ACSS1: variants seen among roughly 807,000 people sequenced by gnomAD.
ACSS1 encodes acetyl-coenzyme A synthetase 2-like, mitochondrial.
A neutral mutation model predicts 75.3 loss-of-function variants in ACSS1; 42 were observed. The observed-to-expected ratio is 0.56, with a 90% CI of 0.44 to 0.72. The LOEUF is 0.72. Ranked by LOEUF, ACSS1 falls within the 30% of genes least tolerant of loss-of-function variation. ACSS1 has a pLI of 0.00. For synonymous variants in ACSS1, 380 were observed against 376.8 expected (o/e 1.01, Z -0.10); for missense variants, 782 against 935.7 (o/e 0.84, Z 2.14).
At chr20:25,024,446 A>G (rs552901874) in intron 3 of ACSS1, among the ~76,000 whole-genome samples, 13 of 152,304 alleles carry the variant, frequency 8.5e-5, no homozygotes, top group African/African-American at 3.1e-4. Context: ...CCTCAGGAAG[A>G]GCCTGGGACA....
chr20:25,006,956 G>A lies in ACSS1; in HGVS notation c.*806C>T, dbSNP rs1453700207. On this transcript the variant is annotated 3_prime_UTR_variant, in exon 14 of 14. Coordinates refer to ENST00000323482, the MANE Select transcript of ACSS1 (RefSeq NM_032501.4). The stretch of plus-strand genomic sequence containing the variant: ...CTCTCCTATCAAGAGGCATCTGGGG[G>A]CACAAAAATCTTTCTGGATCACAGC... 3 of 1,534,846 alleles carry A rather than the reference G, an allele frequency of 2.0e-6. No homozygotes were observed. The highest frequency in any genetic ancestry group is 4.9e-5 in the East Asian group (2 of 40,912).
Position 25,048,157 on chromosome 20 carries a change from C to T in ACSS1, c.359G>A (p.Arg120Gln), listed in dbSNP as rs752186614. ...VSVNCLDQHV[R>Q]KSPESVALIW... Reference sequence around the variant, plus strand: ...CAAAGCAACGCTCTCGGGGGACTTCCGAACATGCTGGTCCAAGCAGTTGAC... The same window carrying T: ...CAAAGCAACGCTCTCGGGGGACTTCTGAACATGCTGGTCCAAGCAGTTGAC... Residue 120 changes from arginine (R) to glutamine (Q), a missense_variant, in exon 2 of 14, where the codon CGG becomes CAG. Around this residue, in one of 2 missense-constraint regions of ACSS1, gnomAD observed 377 missense variants for 383.1 expected, o/e 0.98. Transcript: ENST00000323482. 8 of 1,613,374 alleles carry T rather than the reference C, an allele frequency of 5.0e-6. No individual in the cohort carries two copies. The highest frequency in any genetic ancestry group is 2.2e-5 in the South Asian group (2 of 91,068).
At chr20:25,036,444 C>G (rs1367636904) in intron 2 of ACSS1, among the ~76,000 whole-genome samples, 1 of 151,992 alleles carries the variant, frequency 6.6e-6, no homozygotes, top group South Asian at 2.1e-4. Flanking sequence ...CCCCACCCCC[C>G]GCCTCAGAAT....
chr20:25,007,995 T>G (rs537574953), intron 13 of ACSS1, 54 bp from the exon 14 acceptor site: 167 of 1,578,662 alleles, frequency 1.1e-4, no homozygotes, highest in Non-Finnish European at 1.2e-4. Context: ...GCCTCTGTGC[T>G]AGCGTGGACT....
chr20:25,013,249 C>A (rs1051946808), intron 10 of ACSS1, among the ~76,000 whole-genome samples: 1 of 152,202 alleles, frequency 6.6e-6, no homozygotes, highest in Non-Finnish European at 1.5e-5. Flanking sequence ...CCAGCCGTAG[C>A]TAACAGGATC....
intron 2 of ACSS1, chr20:25,032,242 C>G (rs1196026786): frequency 2.3e-6 from 2 of 857,518 alleles, no homozygotes; most frequent in South Asian, 4.9e-5. Context: ...ACCCACCACT[C>G]AGGGCGCATC....
chr20:25,042,433 G>A (rs1472102449), intron 2 of ACSS1, among the ~76,000 whole-genome samples: 4 of 152,116 alleles, frequency 2.6e-5, no homozygotes, highest in Non-Finnish European at 4.4e-5. Flanking sequence ...CAGCTAGGCC[G>A]GGACTCCACG....
At chr20:25,013,034 G>A in intron 10 of ACSS1, 95 bp from the exon 11 acceptor site, 9 of 1,568,272 alleles carry the variant, frequency 5.7e-6, no homozygotes, top group Non-Finnish European at 6.9e-6. Flanking sequence ...CCAGCACGCG[G>A]CTGAAGTCTC....
At chr20:25,053,147 T>G (rs771850927) in intron 1 of ACSS1, among the ~76,000 whole-genome samples, 3 of 137,004 alleles carry the variant, frequency 2.2e-5, no homozygotes, top group Non-Finnish European at 4.6e-5. Context: ...CACTGCAACC[T>G]CCACCTCCTG....
rs1816070218 is a variant in ACSS1 at position 25,016,729 on chromosome 20, G to A, written c.1247-1499C>T. Among the ~76,000 whole-genome samples the A allele has an allele frequency of 2.6e-5, 4 of 152,274 alleles. No individual in the cohort carries two copies. The South Asian group carries it at 8.3e-4, about 31-fold the overall frequency. ...ACACGCTGGGAGACTGCGACAGCCT[G>A]CACCCAGCCACGGGGCTGTGACCAC... On this transcript the variant is annotated intron_variant, in intron 7 of 13. Transcript: ENST00000323482.
chr20:25,035,426 G>A (rs1010372711), intron 2 of ACSS1, among the ~76,000 whole-genome samples: 1 of 148,786 alleles, frequency 6.7e-6, no homozygotes, highest in South Asian at 2.1e-4. Context: ...TTTTTTTTGA[G>A]ATAGAGTCTC....
intron 2 of ACSS1, 49 bp from the exon 3 acceptor site, chr20:25,031,007 T>G: frequency 6.3e-7 from 1 of 1,590,862 alleles, no homozygotes; most frequent in Non-Finnish European, 8.6e-7. Context: ...AGGGCCAAAA[T>G]GCAGAGCAGT....
chr20:25,049,493 C>T (rs955541347), intron 1 of ACSS1, among the ~76,000 whole-genome samples: 5 of 152,134 alleles, frequency 3.3e-5, no homozygotes, highest in Non-Finnish European at 7.3e-5. Context: ...AGGGCAGATT[C>T]GAAGCCCCTG....
chr20:25,057,943 G>GTGC lies in ACSS1; in HGVS notation c.157_159dup (p.Ala53dup), dbSNP rs760447394. ...CTCAGCGCGGGATACGAGCCTGGCT[G>GTGC]TGCTGCTGCTGCTGCAACTGCGGGA... On this transcript the variant is annotated inframe_insertion, in exon 1 of 14. Transcript: ENST00000323482. 154 of 1,603,952 alleles carry GTGC rather than the reference G, an allele frequency of 9.6e-5. No homozygotes were observed. The African/African-American group carries it at 1.3e-3, about 13-fold the overall frequency.
chr20:25,054,803 A>T (rs1355337565), intron 1 of ACSS1, among the ~76,000 whole-genome samples: 1 of 152,238 alleles, frequency 6.6e-6, no homozygotes, highest in Non-Finnish European at 1.5e-5. Flanking sequence ...GGCCCAATAG[A>T]TCACACAAAA....
At position 25,020,077 on chromosome 20, in the gene ACSS1, C is replaced by G; in HGVS notation, c.1179G>C (p.Leu393=). ...QFYGAPTAVR[L]LLKYGDAWVK... Reference sequence around the variant, plus strand: ...CCCAGGCATCACCGTATTTCAGCAACAGCCGGACAGCCGTTGGGGCGCCAT... The same window carrying G: ...CCCAGGCATCACCGTATTTCAGCAAGAGCCGGACAGCCGTTGGGGCGCCAT... The change falls in exon 7 of 14, where the codon CTG becomes CTC. Residue 393 remains leucine (L), a synonymous_variant. Transcript: ENST00000323482. 6.2e-7 allele frequency: 1 copy of G among 1,614,244 alleles called. No homozygotes were observed. The highest frequency in any genetic ancestry group is 8.5e-7 in the Non-Finnish European group (1 of 1,180,044).
Position 25,013,667 on chromosome 20 carries a change from A to G in ACSS1, c.1453-5T>C. The G allele has an allele frequency of 6.3e-7, 1 of 1,594,604 alleles. No individual in the cohort carries two copies. Among genetic ancestry groups the G allele is most frequent in the Non-Finnish European group, 8.5e-7 (1 of 1,169,624 alleles). On this transcript the variant is annotated splice_polypyrimidine_tract_variant and splice_region_variant and intron_variant, in intron 9 of 13. Transcript: ENST00000323482. The stretch of plus-strand genomic sequence containing the variant: ...GCTGCCCTCCACGACGCTGCCCTGT[A>G]GACCCCGGACATGCAAGTGAGACAG...
chr20:25,025,054 T>C (rs115907726), intron 3 of ACSS1, among the ~76,000 whole-genome samples: 2,007 of 152,266 alleles, frequency 0.013, 46 homozygotes, highest in African/African-American at 0.046. Context: ...AAGCCCCCTA[T>C]GGGCGAGGAA....
chr20:25,040,617 G>A (rs2088984276), intron 2 of ACSS1, among the ~76,000 whole-genome samples: 1 of 152,242 alleles, frequency 6.6e-6, no homozygotes, highest in South Asian at 2.1e-4. Context: ...TATAACATTT[G>A]CCAGTGATCA....
Sources: allele counts gnomAD v4.1 joint callset (sites outside exome capture counted in the v4.1 genomes callset), GRCh38; gene constraint gnomAD v4.1.1; regional missense constraint gnomAD v4.1.1; transcripts MANE v1.5; gene names NCBI Gene and HGNC (gene_info 2026-07-23, HGNC 2026-07-21).